Variants in KCNAB1 observed in about 807,000 individuals in gnomAD.
KCNAB1 encodes the protein potassium voltage-gated channel subfamily A regulatory beta subunit 1.
A neutral mutation model predicts 64.6 loss-of-function variants in KCNAB1; 35 were observed. That is an observed-to-expected ratio of 0.54 (90% confidence interval 0.41 to 0.72). The LOEUF (loss-of-function observed/expected upper bound fraction) is 0.72, where lower values mean the gene tolerates loss of function less well. KCNAB1 is among the 30% of genes least tolerant of loss of function. The pLI, the probability that KCNAB1 is intolerant of heterozygous loss-of-function variation, is 0.00. For synonymous variants in KCNAB1, 177 were observed against 183.8 expected, an observed-to-expected ratio of 0.96 and a Z score of 0.30; for missense variants, 401 against 512.9, an observed-to-expected ratio of 0.78 and a Z score of 2.11.
intron 1 of KCNAB1, among the ~76,000 whole-genome samples, chr3:156,379,436 A>AT (rs895738392): frequency 6.6e-6 from 1 of 152,126 alleles, no homozygotes; most frequent in African/African-American, 2.4e-5. Flanking sequence ...TGGGAATTGT[A>AT]TTTTTTAAAG....
chr3:156,401,561 G>A (rs1278418965), intron 1 of KCNAB1, among the ~76,000 whole-genome samples: 1 of 152,198 alleles, frequency 6.6e-6, no homozygotes, highest in African/African-American at 2.4e-5. Flanking sequence ...TGTAGTCCAT[G>A]GAAAAGCCAA....
At chr3:156,288,374 C>A (rs1159380586) in intron 1 of KCNAB1, among the ~76,000 whole-genome samples, 1 of 152,194 alleles carries the variant, frequency 6.6e-6, no homozygotes, top group African/African-American at 2.4e-5. Context: ...TATATTTACA[C>A]CCACATCTAT....
chr3:156,132,995 CAA>C (rs1176988051), intron 1 of KCNAB1, among the ~76,000 whole-genome samples: 1 of 152,108 alleles, frequency 6.6e-6, no homozygotes, highest in Non-Finnish European at 1.5e-5. Flanking sequence ...GGTTTGTATA[CAA>C]GAGACTTTTT....
intron 1 of KCNAB1, among the ~76,000 whole-genome samples, chr3:156,155,092 T>C (rs1324772769): frequency 6.6e-6 from 1 of 152,236 alleles, no homozygotes; most frequent in African/African-American, 2.4e-5. Context: ...AATTTACTAA[T>C]ACAAATTATA....
chr3:156,196,536 G>A (rs1441035858), intron 1 of KCNAB1, among the ~76,000 whole-genome samples: 1 of 152,092 alleles, frequency 6.6e-6, no homozygotes, highest in Admixed American at 6.5e-5. Context: ...TCTCTTGTAA[G>A]TTGTATTCTT....
chr3:156,396,512 A>G (rs1160411112), intron 1 of KCNAB1, among the ~76,000 whole-genome samples: 2 of 152,220 alleles, frequency 1.3e-5, no homozygotes, highest in East Asian at 1.9e-4. Flanking sequence ...ACACATCATT[A>G]TAAGTCAACC....
chr3:156,200,778 A>G (rs563136606), intron 1 of KCNAB1, among the ~76,000 whole-genome samples: 1 of 152,296 alleles, frequency 6.6e-6, no homozygotes, highest in African/African-American at 2.4e-5. Flanking sequence ...GAATGAGACC[A>G]CTTGGCTCCC....
At chr3:156,321,813 G>A (rs1290909533) in intron 1 of KCNAB1, among the ~76,000 whole-genome samples, 1 of 152,188 alleles carries the variant, frequency 6.6e-6, no homozygotes, top group Non-Finnish European at 1.5e-5. Flanking sequence ...AAACCAGGCA[G>A]TCTGGTTCCA....
At chr3:156,455,817 A>C (rs1215340460) in intron 3 of KCNAB1, among the ~76,000 whole-genome samples, 4 of 152,078 alleles carry the variant, frequency 2.6e-5, no homozygotes, top group African/African-American at 4.8e-5. Flanking sequence ...CAATTAGAAC[A>C]GTGACTCCGG....
At chr3:156,140,889 C>T (rs1005075482) in intron 1 of KCNAB1, among the ~76,000 whole-genome samples, 2 of 151,906 alleles carry the variant, frequency 1.3e-5, no homozygotes, top group Non-Finnish European at 2.9e-5. Flanking sequence ...GGAGCATGTG[C>T]GCGTGTGTGA....
intron 1 of KCNAB1, among the ~76,000 whole-genome samples, chr3:156,272,662 G>A (rs954421927): frequency 4.6e-5 from 7 of 151,946 alleles, no homozygotes; most frequent in African/African-American, 7.3e-5. Flanking sequence ...GCCAAGGCCT[G>A]GAATTAGGGA....
chr3:156,342,966 T>C (rs1001364377), intron 1 of KCNAB1, among the ~76,000 whole-genome samples: 2 of 152,166 alleles, frequency 1.3e-5, no homozygotes, highest in African/African-American at 4.8e-5. Context: ...TTAGAGTCAA[T>C]GAAGTTTACA....
chr3:156,485,893 G>A (rs576462308), intron 8 of KCNAB1, among the ~76,000 whole-genome samples: 93 of 152,028 alleles, frequency 6.1e-4, no homozygotes, highest in African/African-American at 2.0e-3. Context: ...CTCCAGCTCC[G>A]CCCATGTTGC....
At position 156,214,098 on chromosome 3, in the gene KCNAB1, G is replaced by T. The variant is rs1009811265; in HGVS notation, c.275+93212G>T. Among the ~76,000 whole-genome samples, 16 of 152,320 alleles carry T rather than the reference G, an allele frequency of 1.1e-4. 1 individual carries two copies. The highest frequency in any genetic ancestry group is 3.8e-4 in the African/African-American group (16 of 41,574). On this transcript the variant is annotated intron_variant, in intron 1 of 13. Transcript: ENST00000490337. ...ACTCCACGGGGACAGATACCCCTGTGCTTGGGACCCTTCTAGACCTTGCCC... is the reference window on the plus strand; with the variant it reads ...ACTCCACGGGGACAGATACCCCTGTTCTTGGGACCCTTCTAGACCTTGCCC...
At chr3:156,494,672 G>A (rs1001205371) in intron 8 of KCNAB1, among the ~76,000 whole-genome samples, 1 of 152,136 alleles carries the variant, frequency 6.6e-6, no homozygotes, top group Non-Finnish European at 1.5e-5. Flanking sequence ...TCACAGAGGA[G>A]TGCCTTGTAG....
intron 1 of KCNAB1, among the ~76,000 whole-genome samples, chr3:156,173,179 T>C (rs893953458): frequency 1.3e-5 from 2 of 152,160 alleles, no homozygotes; most frequent in Non-Finnish European, 2.9e-5. Context: ...GGGACCCTGG[T>C]CACAAGGCCC....
At chr3:156,348,268 C>T (rs1724619691) in intron 1 of KCNAB1, among the ~76,000 whole-genome samples, 2 of 152,136 alleles carry the variant, frequency 1.3e-5, no homozygotes, top group African/African-American at 2.4e-5. Flanking sequence ...GAGAACAGAA[C>T]ATGCAAAGGC....
At chr3:156,169,027 T>G (rs967673816) in intron 1 of KCNAB1, among the ~76,000 whole-genome samples, 4 of 152,238 alleles carry the variant, frequency 2.6e-5, no homozygotes, top group Non-Finnish European at 5.9e-5. Context: ...TGATGCTATA[T>G]CATATGAAAT....
At chr3:156,202,188 C>A (rs1362050908) in intron 1 of KCNAB1, among the ~76,000 whole-genome samples, 1 of 152,186 alleles carries the variant, frequency 6.6e-6, no homozygotes, top group African/African-American at 2.4e-5. Flanking sequence ...GAGTTCTGCT[C>A]CTACCACTTC....
Sources: allele counts gnomAD v4.1 joint callset (sites outside exome capture counted in the v4.1 genomes callset), GRCh38; gene constraint gnomAD v4.1.1; transcripts MANE v1.5; gene names NCBI Gene and HGNC (gene_info 2026-07-23, HGNC 2026-07-21).